Variants in ZNF804B observed in about 807,000 individuals in gnomAD.
The protein encoded by ZNF804B is zinc finger 804B.
A neutral mutation model predicts 101.4 loss-of-function variants in ZNF804B; 80 were observed. The observed-to-expected ratio is 0.79, with a 90% CI of 0.66 to 0.95. ZNF804B has a LOEUF of 0.95. Ranked by LOEUF, ZNF804B falls within the 40% of genes least tolerant of loss-of-function variation. ZNF804B has a pLI of 0.00. For synonymous variants in ZNF804B, 622 were observed against 558.8 expected, an observed-to-expected ratio of 1.11 and a Z score of -1.59; for missense variants, 1,673 against 1,561.9, an observed-to-expected ratio of 1.07 and a Z score of -1.20.
At chr7:88,985,649 A>G (rs1445500184) in intron 1 of ZNF804B, among the ~76,000 whole-genome samples, 3 of 152,126 alleles carry the variant, frequency 2.0e-5, no homozygotes, top group Non-Finnish European at 4.4e-5. Flanking sequence ...AAAAAGCCAC[A>G]AACATTTAAG....
intron 1 of ZNF804B, among the ~76,000 whole-genome samples, chr7:88,970,981 T>G (rs1793528572): frequency 7.4e-6 from 1 of 134,630 alleles, no homozygotes; most frequent in Admixed American, 7.4e-5. Context: ...TAATAAAATT[T>G]AAAAAAAGAA....
chr7:88,845,792 A>T (rs2115816714), intron 1 of ZNF804B, among the ~76,000 whole-genome samples: 1 of 152,284 alleles, frequency 6.6e-6, no homozygotes, highest in Admixed American at 6.5e-5. Flanking sequence ...TTGCTGGTAT[A>T]ATTGTTTTCC....
intron 1 of ZNF804B, among the ~76,000 whole-genome samples, chr7:88,928,902 C>A (rs1383645692): frequency 6.6e-6 from 1 of 151,894 alleles, no homozygotes; most frequent in Non-Finnish European, 1.5e-5. Flanking sequence ...CTAGCTAATT[C>A]TTTTTAGTTG....
intron 1 of ZNF804B, among the ~76,000 whole-genome samples, chr7:89,154,239 T>C (rs1790920691): frequency 6.6e-6 from 1 of 152,260 alleles, no homozygotes; most frequent in South Asian, 2.1e-4. Flanking sequence ...TAACAAATGC[T>C]AGTAAAGATG....
At position 89,333,544 on chromosome 7, in the gene ZNF804B, C is replaced by A. The variant is rs774321079; in HGVS notation, c.562C>A (p.Arg188=). 11 of 1,613,352 alleles carry A rather than the reference C, an allele frequency of 6.8e-6. No individual in the cohort carries two copies. The South Asian group carries it at 7.7e-5, about 11-fold the overall frequency. ...SDKQRSTMPN[R]HQLQSDRRCL... ...TAAACAGCGGTCCACCATGCCAAATCGACACCAATTACAATCAGACAGGCG... is the reference window on the plus strand; with the variant it reads ...TAAACAGCGGTCCACCATGCCAAATAGACACCAATTACAATCAGACAGGCG... Residue 188 remains arginine (R), a synonymous_variant, in exon 4 of 4, where the codon CGA becomes AGA. Coordinates refer to ENST00000333190, the MANE Select transcript of ZNF804B (RefSeq NM_181646.5).
intron 1 of ZNF804B, among the ~76,000 whole-genome samples, chr7:88,941,081 A>G (rs192996068): frequency 1.3e-3 from 197 of 152,132 alleles, no homozygotes; most frequent in African/African-American, 4.5e-3. Context: ...ATTTAATATT[A>G]TTATAGCAAA....
chr7:89,168,447 T>C (rs1372748720), intron 1 of ZNF804B, among the ~76,000 whole-genome samples: 3 of 152,106 alleles, frequency 2.0e-5, no homozygotes, highest in African/African-American at 7.2e-5. Flanking sequence ...TGTACTAAGA[T>C]ACTTAATTTT....
chr7:88,946,768 C>T (rs947389827), intron 1 of ZNF804B, among the ~76,000 whole-genome samples: 2 of 151,722 alleles, frequency 1.3e-5, no homozygotes. Flanking sequence ...TAATTACTGC[C>T]TCAATTTCAG....
At position 88,809,349 on chromosome 7, in the gene ZNF804B, AT is replaced by A. The variant is rs1198907239; in HGVS notation, c.108+49266del. Among the ~76,000 whole-genome samples the A allele has an allele frequency of 2.3e-3, 342 of 150,536 alleles. 3 individuals carry two copies. Among genetic ancestry groups the A allele is most frequent in the African/African-American group, 7.5e-3 (306 of 40,640 alleles). On this transcript the variant is annotated intron_variant, in intron 1 of 3. Transcript: ENST00000333190. ...TATCTATCTATCTATCTATCTATCT[AT>A]CTATCTACCTATCTATCTACCTACC...
In ZNF804B at chr7:89,057,337, T is replaced by C. The variant is rs143492531; in HGVS notation, c.109-160818T>C. On this transcript the variant is annotated intron_variant, in intron 1 of 3. Coordinates refer to ENST00000333190, the MANE Select transcript of ZNF804B (RefSeq NM_181646.5). ...ATGCTTAACTATAACTATATTTCTGTCCAGAAAGTGGCATGCAATTCTTAT... is the reference window on the plus strand; with the variant it reads ...ATGCTTAACTATAACTATATTTCTGCCCAGAAAGTGGCATGCAATTCTTAT... Among the ~76,000 whole-genome samples, 213 of 152,062 alleles carry C rather than the reference T, an allele frequency of 1.4e-3. 1 individual carries two copies. Among genetic ancestry groups the C allele is most frequent in the African/African-American group, 4.9e-3 (203 of 41,510 alleles).
chr7:89,100,853 C>G (rs1173543247), intron 1 of ZNF804B, among the ~76,000 whole-genome samples: 1 of 151,536 alleles, frequency 6.6e-6, no homozygotes, highest in African/African-American at 2.4e-5. Flanking sequence ...ATACATATAC[C>G]CACTATGTAC....
At chr7:89,090,902 T>C (rs1475137320) in intron 1 of ZNF804B, among the ~76,000 whole-genome samples, 1 of 152,000 alleles carries the variant, frequency 6.6e-6, no homozygotes, top group Non-Finnish European at 1.5e-5. Flanking sequence ...ATACAGACTA[T>C]ACCAAATGCA....
chr7:89,298,939 G>T (rs889831812), intron 2 of ZNF804B, among the ~76,000 whole-genome samples: 5 of 151,828 alleles, frequency 3.3e-5, no homozygotes, highest in Non-Finnish European at 7.4e-5. Context: ...ATTGTCTCAG[G>T]GTTGCGATAA....
At chr7:88,762,528 A>G (rs1789914592) in intron 1 of ZNF804B, among the ~76,000 whole-genome samples, 1 of 152,194 alleles carries the variant, frequency 6.6e-6, no homozygotes, top group South Asian at 2.1e-4. Flanking sequence ...ATTGCAAAAT[A>G]TGAAACTGTA....
intron 2 of ZNF804B, among the ~76,000 whole-genome samples, chr7:89,235,327 T>G (rs1377278810): frequency 6.6e-6 from 1 of 152,190 alleles, no homozygotes; most frequent in East Asian, 1.9e-4. Context: ...TTTCACATAT[T>G]AAATTATTGT....
At chr7:88,766,812 A>G (rs10281364) in intron 1 of ZNF804B, among the ~76,000 whole-genome samples, 3,436 of 152,340 alleles carry the variant, frequency 0.023, 121 homozygotes, top group African/African-American at 0.078. Flanking sequence ...GATGCTACTC[A>G]GGATTTTGTA....
intron 1 of ZNF804B, among the ~76,000 whole-genome samples, chr7:89,143,444 T>C (rs1166085571): frequency 6.6e-6 from 1 of 151,994 alleles, no homozygotes; most frequent in East Asian, 1.9e-4. Flanking sequence ...CAGCTTCTAA[T>C]ATCTATCTAA....
chr7:89,190,201 G>T (rs550058029), intron 1 of ZNF804B, among the ~76,000 whole-genome samples: 2 of 152,016 alleles, frequency 1.3e-5, no homozygotes, highest in African/African-American at 2.4e-5. Flanking sequence ...CGGGCATAGT[G>T]GCGCACACCT....
chr7:89,062,630 C>A (rs969634909), intron 1 of ZNF804B, among the ~76,000 whole-genome samples: 4 of 152,000 alleles, frequency 2.6e-5, no homozygotes, highest in African/African-American at 9.7e-5. Flanking sequence ...CAGTTAATAT[C>A]TTTTCAATTA....
Sources: gnomAD v4.1 joint callset for allele counts (sites outside exome capture counted in the v4.1 genomes callset) on GRCh38, gnomAD v4.1.1 for gene constraint, MANE v1.5 for transcripts, NCBI Gene and HGNC (gene_info 2026-07-23, HGNC 2026-07-21) for gene names.